TERF1: variants seen among roughly 807,000 people sequenced by gnomAD.
TERF1 encodes telomeric repeat-binding factor 1.
Under a neutral mutation model 55.1 loss-of-function variants are expected in TERF1, and 20 were observed. The observed-to-expected ratio is 0.36, with a 90% CI of 0.26 to 0.53. The LOEUF is 0.53. Among genes scored for constraint, TERF1 ranks in the 20% least tolerant of loss-of-function variants. The pLI, the probability that TERF1 is intolerant of heterozygous loss-of-function variation, is 0.91. For synonymous variants in TERF1, 168 were observed against 181.2 expected (o/e 0.93, Z 0.59); for missense variants, 439 against 535.7 (o/e 0.82, Z 1.78).
chr8:73,032,622 T>C (rs1809336145), intron 8 of TERF1, among the ~76,000 whole-genome samples: 2 of 151,870 alleles, frequency 1.3e-5, no homozygotes, highest in East Asian at 3.8e-4. Flanking sequence ...CTCTTAATAA[T>C]GTTCACATAA....
At chr8:73,038,040 G>T (rs1809677823) in intron 8 of TERF1, among the ~76,000 whole-genome samples, 1 of 147,608 alleles carries the variant, frequency 6.8e-6, no homozygotes, top group South Asian at 2.1e-4. Flanking sequence ...CCAGCAGTAG[G>T]TAGGTAGGTA....
chr8:73,014,243 TAA>T (rs35442223), intron 2 of TERF1, among the ~76,000 whole-genome samples: 32,046 of 148,792 alleles, frequency 0.22, 4,554 homozygotes, highest in Non-Finnish European at 0.31. Context: ...AAGGGCTTAT[TAA>T]AAAAAAAAAA....
chr8:73,013,059 T>C lies in TERF1; in HGVS notation c.320-836T>C, dbSNP rs76525360. 1.8e-3 allele frequency: 639 copies of C among 354,842 alleles called. 6 individuals carry two copies. Among genetic ancestry groups the C allele is most frequent in the African/African-American group, 0.013 (599 of 47,452 alleles). The allele number at this position is 354,842 out of a possible 1,614,324, so 22.0% of individuals were successfully genotyped here. On this transcript the variant is annotated intron_variant, in intron 1 of 9. Transcript: ENST00000276603. Reference sequence around the variant, plus strand: ...GTGTAGCATAAGATTATGTTAGAATTGAGGGAGGAAATTGGGTAAAAATAT... The same window carrying C: ...GTGTAGCATAAGATTATGTTAGAATCGAGGGAGGAAATTGGGTAAAAATAT...
chr8:73,027,478 T>C lies in TERF1; in HGVS notation c.887+426T>C, dbSNP rs141691467. On this transcript the variant is annotated intron_variant, in intron 6 of 9. Transcript: ENST00000276603. ...TTCATCTGGTGCTCAACTGAAGAAA[T>C]AGTGATTTGCTTTAATACTGGAGGA... 1.4e-4 allele frequency among the ~76,000 whole-genome samples: 22 copies of C among 152,332 alleles called. No individual in the cohort carries two copies. In the East Asian group the frequency reaches 3.7e-3, roughly 25 times the overall value.
At chr8:73,037,709 T>TA (rs1563471902) in intron 8 of TERF1, among the ~76,000 whole-genome samples, 1 of 84,856 alleles carries the variant, frequency 1.2e-5, no homozygotes, top group Non-Finnish European at 2.1e-5. Context: ...TAATATTATA[T>TA]TATATATAAT....
intron 9 of TERF1, among the ~76,000 whole-genome samples, chr8:73,040,001 C>CT (rs33975806): frequency 0.067 from 7,629 of 114,344 alleles, 626 homozygotes; most frequent in African/African-American, 0.19. Context: ...TCGAAGGTGC[C>CT]TTTTTTTTTT....
chr8:73,041,828 C>T (rs56010722), intron 9 of TERF1, among the ~76,000 whole-genome samples: 2,379 of 152,130 alleles, frequency 0.016, 59 homozygotes, highest in African/African-American at 0.055. Flanking sequence ...TTTGTGAGTC[C>T]CTCTGAAACT....
chr8:73,028,137 TC>T (rs1809099413), intron 6 of TERF1, among the ~76,000 whole-genome samples: 1 of 152,224 alleles, frequency 6.6e-6, no homozygotes, highest in Admixed American at 6.5e-5. Flanking sequence ...GGCCAAGCCA[TC>T]CTGCTCATGA....
intron 5 of TERF1, 126 bp downstream of exon 5, chr8:73,025,097 G>A (rs1267944295): frequency 2.0e-5 from 11 of 555,734 alleles, no homozygotes; most frequent in Non-Finnish European, 2.8e-5. Context: ...GTAGAAAGGT[G>A]TGGTAAAATG....
At chr8:73,013,066 G>C (rs1808348094) in intron 1 of TERF1, 1 of 341,822 alleles carries the variant, frequency 2.9e-6, no homozygotes, top group Non-Finnish European at 6.1e-6. Context: ...AATTGAGGGA[G>C]GAAATTGGGT....
chr8:73,012,897 A>G (rs1563454533), intron 1 of TERF1: 2 of 456,108 alleles, frequency 4.4e-6, no homozygotes, highest in Non-Finnish European at 4.4e-6. Context: ...ATCTGAAGTC[A>G]TCACCTCCTA....
chr8:73,036,857 T>C (rs1002471616), intron 8 of TERF1, among the ~76,000 whole-genome samples: 19 of 145,396 alleles, frequency 1.3e-4, no homozygotes, highest in Non-Finnish European at 2.6e-4. Context: ...ATATATAATA[T>C]ATTATATATA....
At position 73,012,717 on chromosome 8, in the gene TERF1, G is replaced by A. The variant is rs55837645; in HGVS notation, c.320-1178G>A. 6.0e-3 allele frequency: 1,603 copies of A among 265,290 alleles called. 35 individuals carry two copies. Among genetic ancestry groups the A allele is most frequent in the African/African-American group, 0.034 (1,511 of 44,468 alleles). The allele number at this position is 265,290 out of a possible 1,614,324, so 16.4% of individuals were successfully genotyped here. A position where few individuals can be genotyped will look rare whatever the true frequency, so the allele number is the denominator to read the frequency against. On this transcript the variant is annotated intron_variant, in intron 1 of 9. Transcript: ENST00000276603. ...TTAGACTTGGCTCAAGCTGGGCTGC[G>A]GTAAACTTTCAATTTGTAAAAAACA...
At chr8:73,031,086 T>C (rs1190888854) in intron 7 of TERF1, 1 of 152,266 alleles carries the variant, frequency 6.6e-6, no homozygotes, top group African/African-American at 2.4e-5. Flanking sequence ...TTGAAGGTGA[T>C]ACATCTCAGT....
chr8:73,014,140 C>T (rs1021619947), intron 2 of TERF1, 150 bp downstream of exon 2: 9 of 554,590 alleles, frequency 1.6e-5, no homozygotes, highest in East Asian at 3.1e-5. Flanking sequence ...TGTGTGTACA[C>T]ATACAGTCAT....
chr8:73,044,517 A>AT (rs200024977), intron 9 of TERF1, among the ~76,000 whole-genome samples: 115 of 151,672 alleles, frequency 7.6e-4, no homozygotes, highest in African/African-American at 2.7e-3. Context: ...ATTGAACTGG[A>AT]TTTTTTTTTC....
At chr8:73,039,541 AC>A (rs1809745492) in intron 9 of TERF1, among the ~76,000 whole-genome samples, 1 of 152,176 alleles carries the variant, frequency 6.6e-6, no homozygotes, top group Non-Finnish European at 1.5e-5. Context: ...AATTTTCCTA[AC>A]AGGGATCCAG....
At position 73,008,888 on chromosome 8, in the gene TERF1, TG is replaced by T; in HGVS notation, c.4del (p.Ala2?). Reference protein sequence around the residue: MAEDVSSAAPS... With the variant: XAEDVSSAAPS... ...CAGTACCCAAGCGAGCCATTTAACA[TG>T]GCGGAGGATGTTTCCTCAGCGGCCC... On this transcript the variant is annotated frameshift_variant and start_lost, in exon 1 of 10. Transcript: ENST00000276603. LOFTEE classifies it high-confidence loss of function. 6.2e-7 allele frequency: 1 copy of T among 1,603,416 alleles called. No homozygotes were observed. Among genetic ancestry groups the T allele is most frequent in the Non-Finnish European group, 8.5e-7 (1 of 1,175,782 alleles).
intron 6 of TERF1, among the ~76,000 whole-genome samples, chr8:73,028,126 T>C (rs1586048261): frequency 6.6e-6 from 1 of 152,244 alleles, no homozygotes; most frequent in Non-Finnish European, 1.5e-5. Context: ...TACATTCTTG[T>C]GGCCAAGCCA....
Sources: allele counts gnomAD v4.1 joint callset (sites outside exome capture counted in the v4.1 genomes callset), GRCh38; gene constraint gnomAD v4.1.1; transcripts MANE v1.5; gene names NCBI Gene and HGNC (gene_info 2026-07-23, HGNC 2026-07-21).